Variants in CNBD1 observed in about 807,000 individuals in gnomAD.
The protein encoded by CNBD1 is cyclic nucleotide-binding domain-containing protein 1.
A neutral mutation model predicts 54.4 loss-of-function variants in CNBD1; 71 were observed. That is an observed-to-expected ratio of 1.30 (90% CI 1.08 to 1.59). CNBD1 has a LOEUF of 1.59. Ranked by LOEUF, CNBD1 falls within the 40% of genes most tolerant of loss-of-function variation. The pLI is 0.00. For missense variants in CNBD1, 659 were observed against 518.0 expected (o/e 1.27, Z -2.64); for synonymous variants, 182 against 170.7 (o/e 1.07, Z -0.51).
chr8:87,184,042 C>T (rs1813421472), intron 4 of CNBD1, among the ~76,000 whole-genome samples: 1 of 152,176 alleles, frequency 6.6e-6, no homozygotes, highest in Admixed American at 6.5e-5. Flanking sequence ...GTGCTCACCA[C>T]TGGGGTGGCG....
At chr8:87,192,146 AAAAT>A (rs1813624992) in intron 4 of CNBD1, among the ~76,000 whole-genome samples, 1 of 152,174 alleles carries the variant, frequency 6.6e-6, no homozygotes, top group Non-Finnish European at 1.5e-5. Flanking sequence ...AAAAGTAAGA[AAAAT>A]AAGTAGAATG....
chr8:86,935,766 T>A (rs1213854037), intron 3 of CNBD1, among the ~76,000 whole-genome samples: 1 of 152,202 alleles, frequency 6.6e-6, no homozygotes, highest in African/African-American at 2.4e-5. Context: ...TTATACTTAT[T>A]TTGAGTATAA....
chr8:87,331,507 G>A (rs926838300), intron 8 of CNBD1, among the ~76,000 whole-genome samples: 2 of 152,170 alleles, frequency 1.3e-5, no homozygotes, highest in Non-Finnish European at 1.5e-5. Context: ...ATTGTGAATA[G>A]TGCTGCAATA....
intron 4 of CNBD1, among the ~76,000 whole-genome samples, chr8:87,053,340 T>C (rs1442291788): frequency 6.6e-6 from 1 of 152,216 alleles, no homozygotes; most frequent in African/African-American, 2.4e-5. Flanking sequence ...GGCCACGCTC[T>C]TGTACAAAAG....
intron 4 of CNBD1, among the ~76,000 whole-genome samples, chr8:87,042,167 A>T (rs951728197): frequency 1.3e-5 from 2 of 152,222 alleles, no homozygotes; most frequent in Non-Finnish European, 2.9e-5. Context: ...TGGGTTGGCC[A>T]AAGGCAGAGT....
chr8:87,237,338 T>C (rs1449199661), intron 6 of CNBD1: 2 of 341,790 alleles, frequency 5.9e-6, no homozygotes, highest in Non-Finnish European at 1.1e-5. Flanking sequence ...TTGTGTGGTG[T>C]ATTTGGTAAC....
chr8:87,311,296 A>G (rs903319193), intron 8 of CNBD1, among the ~76,000 whole-genome samples: 2 of 152,056 alleles, frequency 1.3e-5, no homozygotes, highest in Non-Finnish European at 2.9e-5. Flanking sequence ...CAAAAGACAT[A>G]AACAGATGCT....
intron 4 of CNBD1, among the ~76,000 whole-genome samples, chr8:87,063,496 T>C (rs1439212283): frequency 1.3e-5 from 2 of 152,134 alleles, no homozygotes. Flanking sequence ...TGTGTAGTTT[T>C]ATGCTGACAT....
At chr8:87,404,103 T>TCTGA (rs1807613666) in intron 2 of CNBD1, among the ~76,000 whole-genome samples, 2 of 151,972 alleles carry the variant, frequency 1.3e-5, no homozygotes, top group African/African-American at 4.8e-5. Flanking sequence ...TCAGGGAAGG[T>TCTGA]ATTAGATCAA....
intron 10 of CNBD1, among the ~76,000 whole-genome samples, chr8:87,356,631 G>A (rs1045653585): frequency 4.6e-5 from 7 of 152,090 alleles, no homozygotes; most frequent in South Asian, 4.1e-4. Context: ...ATGACTTAAC[G>A]TTGGAAATTA....
chr8:87,342,889 T>TA (rs1252237935), intron 8 of CNBD1, among the ~76,000 whole-genome samples: 3 of 152,094 alleles, frequency 2.0e-5, no homozygotes, highest in African/African-American at 7.2e-5. Context: ...TAAACAGGGT[T>TA]TGAGAGCAGA....
chr8:86,926,422 C>T (rs4367567), intron 3 of CNBD1, among the ~76,000 whole-genome samples: 45,177 of 151,912 alleles, frequency 0.3, 6,940 homozygotes, highest in East Asian at 0.38. Context: ...CCATCTGTAG[C>T]TTGATGGCCT....
intron 4 of CNBD1, among the ~76,000 whole-genome samples, chr8:87,128,506 T>C (rs1812046967): frequency 6.6e-6 from 1 of 152,146 alleles, no homozygotes; most frequent in Non-Finnish European, 1.5e-5. Context: ...ATTTCACAGG[T>C]TTTTCACAGA....
chr8:87,426,575 A>G (rs1404027087), intron 2 of CNBD1, among the ~76,000 whole-genome samples: 1 of 152,170 alleles, frequency 6.6e-6, no homozygotes, highest in African/African-American at 2.4e-5. Flanking sequence ...TTACTTTTTT[A>G]TCAAGCTACA....
chr8:86,931,976 A>G (rs1809465164), intron 3 of CNBD1, among the ~76,000 whole-genome samples: 1 of 152,174 alleles, frequency 6.6e-6, no homozygotes, highest in South Asian at 2.1e-4. Flanking sequence ...TTGAGACTCC[A>G]GTCTCCATGA....
intron 10 of CNBD1, among the ~76,000 whole-genome samples, chr8:87,363,676 T>A (rs756184828): frequency 5.5e-5 from 8 of 146,458 alleles, no homozygotes; most frequent in Non-Finnish European, 7.4e-5. Context: ...CTGTTCATAC[T>A]TTTCGCCCAC....
intron 4 of CNBD1, among the ~76,000 whole-genome samples, chr8:87,121,064 T>C (rs1263908632): frequency 6.6e-6 from 1 of 151,876 alleles, no homozygotes; most frequent in Non-Finnish European, 1.5e-5. Flanking sequence ...TTAAATTCAG[T>C]TTGATTAATA....
At chr8:87,363,306 C>T (rs1189705174) in intron 10 of CNBD1, among the ~76,000 whole-genome samples, 7 of 152,058 alleles carry the variant, frequency 4.6e-5, no homozygotes, top group African/African-American at 1.4e-4. Flanking sequence ...AATAAACATA[C>T]TACATGTGCA....
chr8:87,162,312 A>G (rs1034669851), intron 4 of CNBD1, among the ~76,000 whole-genome samples: 3 of 152,134 alleles, frequency 2.0e-5, no homozygotes, highest in African/African-American at 7.2e-5. Context: ...TCACCATTTA[A>G]TTATTCAATT....
Sources: allele counts gnomAD v4.1 joint callset (sites outside exome capture counted in the v4.1 genomes callset), GRCh38; gene constraint gnomAD v4.1.1; transcripts MANE v1.5; gene names NCBI Gene and HGNC (gene_info 2026-07-23, HGNC 2026-07-21).